The following ARMC9 variants were observed in gnomAD, a reference collection of about 807,000 sequenced individuals.
ARMC9 encodes the protein armadillo repeat containing 9, also known as lisH domain-containing protein ARMC9.
Under a neutral mutation model 107.0 loss-of-function variants are expected in ARMC9, and 94 were observed. That is an observed-to-expected ratio of 0.88 (90% CI 0.74 to 1.04). The LOEUF (loss-of-function observed/expected upper bound fraction) is 1.04. Among genes scored for constraint, ARMC9 ranks in the 50% least tolerant of loss-of-function variants. The pLI is 0.00. For synonymous variants in ARMC9, 380 were observed against 396.9 expected, an observed-to-expected ratio of 0.96 and a Z score of 0.51; for missense variants, 942 against 1,030.1, an observed-to-expected ratio of 0.91 and a Z score of 1.17.
intron 7 of ARMC9, among the ~76,000 whole-genome samples, chr2:231,228,069 A>G (rs1351447438): frequency 2.0e-5 from 3 of 152,194 alleles, no homozygotes; most frequent in African/African-American, 7.2e-5. Flanking sequence ...TCAGCTCTGC[A>G]GGCCCGCTCT....
At chr2:231,310,143 GGTGGCTCACGCCT>G (rs2042254578) in intron 19 of ARMC9, among the ~76,000 whole-genome samples, 1 of 151,980 alleles carries the variant, frequency 6.6e-6, no homozygotes. Context: ...GGCCGGGCGC[GGTGGCTCACGCCT>G]GTAATCCCAG....
At chr2:231,332,044 T>C (rs545380351) in intron 20 of ARMC9, 147 bp downstream of exon 20, 60 of 669,938 alleles carry the variant, frequency 9.0e-5, no homozygotes, top group Non-Finnish European at 1.4e-4. Flanking sequence ...CAGTCTGCTC[T>C]CAGTGGCCCT....
Position 231,376,162 on chromosome 2 carries a change from A to G in ARMC9, c.*4627A>G, listed in dbSNP as rs568831717. Among the ~76,000 whole-genome samples the G allele has an allele frequency of 4.6e-5, 7 of 152,286 alleles. No individual in the cohort carries two copies. In the South Asian group the frequency reaches 1.5e-3, roughly 32 times the overall value. ...TCAGGACCCTGTAATAATTGCATTA[A>G]CTGCACAAATTGTACAGCATGTGTG... is the stretch of plus-strand genomic sequence containing the variant. On this transcript the variant is annotated 3_prime_UTR_variant, in exon 25 of 25. Transcript: ENST00000611582.
intron 9 of ARMC9, among the ~76,000 whole-genome samples, chr2:231,247,149 G>T (rs915211616): frequency 6.6e-6 from 1 of 152,116 alleles, no homozygotes; most frequent in African/African-American, 2.4e-5. Flanking sequence ...TAGAGACGAG[G>T]TTTCACCGTG....
At chr2:231,307,373 C>T (rs1012965831) in intron 19 of ARMC9, among the ~76,000 whole-genome samples, 1 of 152,028 alleles carries the variant, frequency 6.6e-6, no homozygotes, top group East Asian at 1.9e-4. Context: ...AATGGCCAGG[C>T]GTGTAAGAGC....
chr2:231,276,789 C>T lies in ARMC9; in HGVS notation c.1474+14C>T, dbSNP rs1407691897. ...TCCGCAGCACAGGTCTCAGCCCCGA[C>T]CCTCATTCTAGTGCAAGAAGGGGAA... On this transcript the variant is annotated intron_variant, in intron 15 of 24. Transcript: ENST00000611582. The T allele has an allele frequency of 3.1e-6, 5 of 1,613,252 alleles. No homozygotes were observed. The highest frequency in any genetic ancestry group is 1.3e-5 in the African/African-American group (1 of 74,908).
intron 2 of ARMC9, among the ~76,000 whole-genome samples, chr2:231,207,915 G>T (rs2032264913): frequency 6.6e-6 from 1 of 151,938 alleles, no homozygotes; most frequent in South Asian, 2.1e-4. Flanking sequence ...CGTCTTTTTT[G>T]TAATAGCCAT....
intron 19 of ARMC9, 56 bp downstream of exon 19, chr2:231,296,309 T>C: frequency 7.1e-7 from 1 of 1,415,414 alleles, no homozygotes; most frequent in Non-Finnish European, 9.9e-7. Flanking sequence ...TATTCTCTCT[T>C]TCCTGCCTTG....
chr2:231,371,421 T>A, intron 24 of ARMC9, 92 bp from the exon 25 acceptor site: 3 of 1,326,688 alleles, frequency 2.3e-6, no homozygotes, highest in Non-Finnish European at 2.9e-6. Context: ...CCCTCGCTTC[T>A]GAGCCGGCTG....
Position 231,360,438 on chromosome 2 carries a change from G to C in ARMC9, c.2132-316G>C, listed in dbSNP as rs2045522187. Among the ~76,000 whole-genome samples the C allele has an allele frequency of 6.6e-6, 1 of 152,194 alleles. No homozygotes were observed. Among genetic ancestry groups the C allele is most frequent in the African/African-American group, 2.4e-5 (1 of 41,444 alleles). On this transcript the variant is annotated intron_variant, in intron 22 of 24. Coordinates refer to ENST00000611582, the MANE Select transcript of ARMC9 (RefSeq NM_001352754.2). This position sits in a 1 kb window ranked among gnomAD's most constrained non-coding sequence, Gnocchi z 4.7. ...ATTCTGTCTGGGGGCGCCTAGCCAT[G>C]GCCCAGGGAGACAATTTGTTGTTCT...
At chr2:231,352,527 T>C (rs1473440843) in intron 21 of ARMC9, among the ~76,000 whole-genome samples, 2 of 151,632 alleles carry the variant, frequency 1.3e-5, no homozygotes, top group African/African-American at 4.9e-5. Context: ...TTTCACCATG[T>C]TGGCCAGGCT....
chr2:231,319,515 C>T (rs923121464), intron 19 of ARMC9, among the ~76,000 whole-genome samples: 2 of 152,184 alleles, frequency 1.3e-5, no homozygotes, highest in African/African-American at 4.8e-5. Context: ...ACCTGAGGCT[C>T]ATAAATCACC....
chr2:231,226,634 A>G (rs2034666435), intron 6 of ARMC9, 140 bp from the exon 7 acceptor site: 2 of 957,522 alleles, frequency 2.1e-6, no homozygotes, highest in South Asian at 1.4e-5. Context: ...ATTTACAGCA[A>G]CAGTTGGAGC....
chr2:231,237,179 T>TGTGTGTGTGC (rs2035795368), intron 8 of ARMC9, among the ~76,000 whole-genome samples: 1 of 144,252 alleles, frequency 6.9e-6, no homozygotes, highest in African/African-American at 2.5e-5. Context: ...CGTATGCGTG[T>TGTGTGTGTGC]GTGTGTGTGT....
At chr2:231,269,864 C>T (rs900804922) in intron 12 of ARMC9, among the ~76,000 whole-genome samples, 25 of 149,624 alleles carry the variant, frequency 1.7e-4, no homozygotes, top group South Asian at 4.3e-4. Context: ...CTCCAAGCCC[C>T]GCCCCCACCC....
At chr2:231,216,502 C>A (rs1353223206) in intron 4 of ARMC9, 136 bp from the exon 5 acceptor site, 4 of 968,552 alleles carry the variant, frequency 4.1e-6, no homozygotes, top group Non-Finnish European at 6.2e-6. Context: ...ATTCTAGAGA[C>A]AATGCACCTG....
chr2:231,248,584 G>A (rs1357278127), intron 9 of ARMC9, among the ~76,000 whole-genome samples: 5 of 151,906 alleles, frequency 3.3e-5, no homozygotes, highest in Non-Finnish European at 5.9e-5. Flanking sequence ...CGAGGCGGGC[G>A]GATCATGAGG....
intron 15 of ARMC9, 37 bp from the exon 16 acceptor site, chr2:231,278,345 A>G (rs751466175): frequency 6.2e-7 from 1 of 1,603,332 alleles, no homozygotes; most frequent in Non-Finnish European, 8.5e-7. Flanking sequence ...TTCTGGGTTT[A>G]GACATGTCAT....
chr2:231,328,031 G>A (rs148622588), intron 19 of ARMC9, among the ~76,000 whole-genome samples: 11 of 152,072 alleles, frequency 7.2e-5, no homozygotes, highest in Admixed American at 2.0e-4. Context: ...TGATTCGCTC[G>A]CCTCGGCTTT....
Sources: allele counts gnomAD v4.1 joint callset (sites outside exome capture counted in the v4.1 genomes callset), GRCh38; gene constraint gnomAD v4.1.1; non-coding constraint Gnocchi (gnomAD v3.1); transcripts MANE v1.5; gene names NCBI Gene and HGNC (gene_info 2026-07-23, HGNC 2026-07-21).